PBLD: variants seen among roughly 807,000 people sequenced by gnomAD.
PBLD encodes the protein phenazine biosynthesis-like domain-containing protein.
Under a neutral mutation model 31.3 loss-of-function variants are expected in PBLD, and 26 were observed. The observed-to-expected ratio is 0.83, with a 90% CI of 0.61 to 1.15. PBLD has a LOEUF of 1.15. Among genes scored for constraint, PBLD ranks in the 50% most tolerant of loss-of-function variants. The probability of loss-of-function intolerance (pLI) is 0.00; values close to 1 mark genes in which losing one functional copy is unlikely to be tolerated. For missense variants in PBLD, 307 were observed against 351.7 expected (o/e 0.87, Z 1.02); for synonymous variants, 114 against 129.0 (o/e 0.88, Z 0.79).
intron 9 of PBLD, 125 bp downstream of exon 9, chr10:68,285,222 AC>A: frequency 2.6e-6 from 4 of 1,555,002 alleles, no homozygotes; most frequent in Non-Finnish European, 3.5e-6. Flanking sequence ...GAATTTTAAA[AC>A]CTTTCATTTT....
intron 1 of PBLD, among the ~76,000 whole-genome samples, chr10:68,321,186 T>C (rs1367514013): frequency 6.6e-6 from 1 of 152,188 alleles, no homozygotes; most frequent in African/African-American, 2.4e-5. Context: ...TCTTTCTTTC[T>C]TCTTTTAATA....
chr10:68,312,504 A>G (rs1276220959), intron 1 of PBLD, among the ~76,000 whole-genome samples: 1 of 151,226 alleles, frequency 6.6e-6, no homozygotes, highest in Non-Finnish European at 1.5e-5. Flanking sequence ...GTCTATTTGG[A>G]TACTTTGCCT....
intron 1 of PBLD, among the ~76,000 whole-genome samples, chr10:68,312,308 G>A (rs1423593642): frequency 1.3e-5 from 2 of 152,120 alleles, no homozygotes; most frequent in Non-Finnish European, 1.5e-5. Flanking sequence ...CCAACAGTGT[G>A]TAAGGGTTCC....
chr10:68,327,375 C>A (rs1337235503), intron 1 of PBLD, among the ~76,000 whole-genome samples: 2 of 151,852 alleles, frequency 1.3e-5, no homozygotes, highest in African/African-American at 4.8e-5. Flanking sequence ...TATCTACCAC[C>A]AAGAAGCTTA....
chr10:68,321,800 C>G (rs1207838847), intron 1 of PBLD, among the ~76,000 whole-genome samples: 2 of 152,190 alleles, frequency 1.3e-5, no homozygotes, highest in Admixed American at 6.5e-5. Context: ...ACAAAAGAAG[C>G]AACACGGTAT....
At chr10:68,308,959 A>G (rs2044622488) in intron 1 of PBLD, among the ~76,000 whole-genome samples, 1 of 149,754 alleles carries the variant, frequency 6.7e-6, no homozygotes, top group Admixed American at 6.8e-5. Context: ...GAAAATCAGA[A>G]AGCTTCCTTG....
intron 1 of PBLD, among the ~76,000 whole-genome samples, chr10:68,308,171 A>G (rs1231367482): frequency 1.3e-5 from 2 of 152,230 alleles, no homozygotes; most frequent in Non-Finnish European, 2.9e-5. Flanking sequence ...ACTGTATAGC[A>G]TGAATATTTT....
At chr10:68,296,855 C>G (rs2044436009) in intron 3 of PBLD, 31 bp downstream of exon 3, 3 of 1,548,692 alleles carry the variant, frequency 1.9e-6, no homozygotes, top group African/African-American at 1.4e-5. Flanking sequence ...TGCGACAGAA[C>G]AGTTCTTAAA....
chr10:68,285,633 T>C (rs978079534), intron 8 of PBLD, among the ~76,000 whole-genome samples: 24 of 152,146 alleles, frequency 1.6e-4, no homozygotes, highest in African/African-American at 5.8e-4. Context: ...ATCAAATATG[T>C]CTTACACTTT....
intron 6 of PBLD, among the ~76,000 whole-genome samples, chr10:68,290,391 C>A (rs975481128): frequency 2.0e-5 from 3 of 152,146 alleles, no homozygotes; most frequent in Non-Finnish European, 2.9e-5. Flanking sequence ...TCTCTCGAAC[C>A]CAGCCCTTAT....
chr10:68,303,946 C>G (rs371769293), intron 2 of PBLD, among the ~76,000 whole-genome samples: 1 of 152,164 alleles, frequency 6.6e-6, no homozygotes, highest in South Asian at 2.1e-4. Flanking sequence ...GTAGTGACTA[C>G]TGAATAACGA....
rs953327878 is a variant in PBLD at position 68,285,424 on chromosome 10, A to G, written c.692-14T>C. On this transcript the variant is annotated splice_polypyrimidine_tract_variant and intron_variant, in intron 8 of 9. Transcript: ENST00000358769. ...CGTGTGCAGACCCTCAAAAGAAGTGAAAAGTTAGGAGACAATCCCCAAGAA... is the reference window on the plus strand; with the variant it reads ...CGTGTGCAGACCCTCAAAAGAAGTGGAAAGTTAGGAGACAATCCCCAAGAA... 1 of 1,590,642 alleles carries G rather than the reference A, an allele frequency of 6.3e-7. No homozygotes were observed. Among genetic ancestry groups the G allele is most frequent in the Non-Finnish European group, 8.5e-7 (1 of 1,172,520 alleles).
intron 2 of PBLD, 151 bp from the exon 3 acceptor site, chr10:68,297,136 T>C (rs1235432167): frequency 6.1e-6 from 4 of 654,904 alleles, no homozygotes; most frequent in Non-Finnish European, 1.1e-5. Context: ...AAGGCACTTT[T>C]ATAAAGATTG....
chr10:68,328,346 G>C (rs937925278), intron 1 of PBLD, among the ~76,000 whole-genome samples: 1 of 152,056 alleles, frequency 6.6e-6, no homozygotes, highest in African/African-American at 2.4e-5. Flanking sequence ...CCAATTTTTC[G>C]TTAATGTGCC....
chr10:68,314,377 T>A (rs2044708596), intron 1 of PBLD, among the ~76,000 whole-genome samples: 1 of 152,152 alleles, frequency 6.6e-6, no homozygotes, highest in East Asian at 1.9e-4. Context: ...GAAAACTTGG[T>A]CCACATATTC....
At chr10:68,319,538 C>A (rs1198378926) in intron 1 of PBLD, among the ~76,000 whole-genome samples, 1 of 151,714 alleles carries the variant, frequency 6.6e-6, no homozygotes, top group Admixed American at 6.6e-5. Flanking sequence ...CAAAAATTAG[C>A]CAGGTGTGGT....
chr10:68,327,294 C>T (rs926527853), intron 1 of PBLD, among the ~76,000 whole-genome samples: 4 of 152,006 alleles, frequency 2.6e-5, no homozygotes, highest in African/African-American at 4.8e-5. Context: ...GTGTCCCTGC[C>T]CCCAGTGTGA....
intron 6 of PBLD, among the ~76,000 whole-genome samples, chr10:68,290,665 C>T (rs1019398658): frequency 2.6e-5 from 4 of 151,114 alleles, no homozygotes; most frequent in African/African-American, 7.3e-5. Context: ...TGTGGTGAGC[C>T]AAGATCACAC....
Position 68,293,334 on chromosome 10 carries a change from G to A in PBLD, c.284-1096C>T, listed in dbSNP as rs577340449. ...TGAACCAAACTTTTTACATAACAAT[G>A]TAATTTAAAGAATGCACCACAAATG... On this transcript the variant is annotated intron_variant, in intron 4 of 9. Coordinates refer to ENST00000358769, the MANE Select transcript of PBLD (RefSeq NM_022129.4). Among the ~76,000 whole-genome samples, 14 of 152,290 alleles carry A rather than the reference G, an allele frequency of 9.2e-5. No homozygotes were observed. In the South Asian group the frequency reaches 2.5e-3, roughly 27 times the overall value.
Sources: gnomAD v4.1 joint callset for allele counts (sites outside exome capture counted in the v4.1 genomes callset) on GRCh38, gnomAD v4.1.1 for gene constraint, MANE v1.5 for transcripts, NCBI Gene and HGNC (gene_info 2026-07-23, HGNC 2026-07-21) for gene names.